Variants in PPP2R5C observed in about 807,000 individuals in gnomAD.
The protein encoded by PPP2R5C is protein phosphatase 2 regulatory subunit B'gamma, also known as serine/threonine-protein phosphatase 2A 56 kDa regulatory subunit gamma isoform.
A neutral mutation model predicts 68.9 loss-of-function variants in PPP2R5C; 7 were observed. The ratio of observed to expected loss-of-function variants is 0.10; its 90% confidence interval spans 0.06 to 0.19. The LOEUF (loss-of-function observed/expected upper bound fraction) is 0.19, where lower values mean the gene tolerates loss of function less well. PPP2R5C is among the 10% of genes least tolerant of loss of function. PPP2R5C has a pLI of 1.00. For synonymous variants in PPP2R5C, 210 were observed against 222.2 expected (o/e 0.95, Z 0.49); for missense variants, 348 against 641.3 (o/e 0.54, Z 4.94).
chr14:101,891,095 T>C lies in PPP2R5C; in HGVS notation c.689+799T>C, dbSNP rs2044869720. On this transcript the variant is annotated intron_variant, in intron 6 of 13. Transcript: ENST00000334743. The surrounding 1 kb of genome is among the most constrained non-coding windows in gnomAD (Gnocchi z 4.9). ...CCACTTTTATTTAATTGATAACCCG[T>C]AGATTTTATATTAGACCTTCTAACC... Among the ~76,000 whole-genome samples the C allele has an allele frequency of 6.6e-6, 1 of 152,104 alleles. No homozygotes were observed. Among genetic ancestry groups the C allele is most frequent in the Admixed American group, 6.5e-5 (1 of 15,268 alleles).
intron 3 of PPP2R5C, among the ~76,000 whole-genome samples, chr14:101,787,960 G>T (rs1043548652): frequency 2.0e-5 from 3 of 152,142 alleles, no homozygotes; most frequent in Non-Finnish European, 2.9e-5. Context: ...TTGAGCGCCT[G>T]TGAAAGCTAT....
intron 1 of PPP2R5C, among the ~76,000 whole-genome samples, chr14:101,838,316 A>G (rs1261401696): frequency 6.6e-6 from 1 of 152,212 alleles, no homozygotes; most frequent in African/African-American, 2.4e-5. Context: ...AGGAAGGTGA[A>G]TGCAAGCGTC....
chr14:101,786,314 T>A, intron 3 of PPP2R5C, 131 bp downstream of exon 3: 4 of 224,264 alleles, frequency 1.8e-5, no homozygotes, highest in Non-Finnish European at 3.0e-5. Context: ...TATTGAGGGG[T>A]TTTTTTTTTT....
chr14:101,847,001 A>G (rs2041866267), intron 1 of PPP2R5C, among the ~76,000 whole-genome samples: 1 of 152,240 alleles, frequency 6.6e-6, no homozygotes, highest in African/African-American at 2.4e-5. Context: ...CCTGAGTTTT[A>G]TCTTAAAAGT....
At chr14:101,836,510 G>T in intron 1 of PPP2R5C, 5 of 583,594 alleles carry the variant, frequency 8.6e-6, no homozygotes, top group South Asian at 4.3e-5. Context: ...TCTGCAGATA[G>T]TTCTTTTTCA....
At chr14:101,799,766 T>C (rs1327996544) in intron 3 of PPP2R5C, among the ~76,000 whole-genome samples, 1 of 152,184 alleles carries the variant, frequency 6.6e-6, no homozygotes, top group Admixed American at 6.5e-5. Flanking sequence ...CTAATCTGTG[T>C]TGGTTCCATT....
chr14:101,787,151 G>GA (rs2038129731), intron 3 of PPP2R5C, among the ~76,000 whole-genome samples: 2 of 152,228 alleles, frequency 1.3e-5, no homozygotes, highest in South Asian at 4.1e-4. Context: ...TCAGGAGGCT[G>GA]AAGTGGGAGG....
intron 2 of PPP2R5C, among the ~76,000 whole-genome samples, chr14:101,773,998 C>CT (rs1481380618): frequency 6.6e-6 from 1 of 152,148 alleles, no homozygotes; most frequent in Non-Finnish European, 1.5e-5. Flanking sequence ...TCTGGTTGGG[C>CT]TTTGAGTTTT....
chr14:101,769,175 G>A (rs973952590), intron 2 of PPP2R5C, among the ~76,000 whole-genome samples: 2 of 152,204 alleles, frequency 1.3e-5, no homozygotes, highest in African/African-American at 2.4e-5. Flanking sequence ...AAACTTCAGC[G>A]AAGCTGTTTC....
chr14:101,815,849 T>C (rs2039631548), intron 1 of PPP2R5C, among the ~76,000 whole-genome samples: 1 of 152,036 alleles, frequency 6.6e-6, no homozygotes, highest in African/African-American at 2.4e-5. Flanking sequence ...TTTGTATTTT[T>C]AGTATAGACA....
intron 2 of PPP2R5C, among the ~76,000 whole-genome samples, chr14:101,862,918 C>T (rs547707215): frequency 8.0e-5 from 12 of 150,570 alleles, no homozygotes; most frequent in African/African-American, 2.7e-4. Flanking sequence ...CTCCTGGGCT[C>T]AAGCAATCCT....
chr14:101,866,768 A>G (rs965889367), intron 2 of PPP2R5C, among the ~76,000 whole-genome samples: 5 of 152,140 alleles, frequency 3.3e-5, no homozygotes, highest in Non-Finnish European at 7.3e-5. Context: ...CCCTTTTACT[A>G]TACACTTTTG....
chr14:101,888,384 C>A lies in PPP2R5C; in HGVS notation c.630-1853C>A, dbSNP rs1347321036. 6.6e-6 allele frequency among the ~76,000 whole-genome samples: 1 copy of A among 152,000 alleles called. No individual in the cohort carries two copies. The highest frequency in any genetic ancestry group is 1.5e-5 in the Non-Finnish European group (1 of 68,008). The stretch of plus-strand genomic sequence containing the variant: ...CAGGGTAGGTGCAGGCTGAGGGACA[C>A]CAGGTGCGAGCATTTTCTGTTTCTT... On this transcript the variant is annotated intron_variant, in intron 5 of 13. Coordinates refer to ENST00000334743, the Ensembl canonical transcript of PPP2R5C. This position sits in a 1 kb window ranked among gnomAD's most constrained non-coding sequence, Gnocchi z 5.6.
chr14:101,873,834 G>T (rs1232349821), intron 2 of PPP2R5C, among the ~76,000 whole-genome samples: 6 of 152,208 alleles, frequency 3.9e-5, no homozygotes, highest in Admixed American at 3.9e-4. Flanking sequence ...CAAGGCAGGA[G>T]CCTGGGGCGG....
In PPP2R5C at chr14:101,797,740, T is replaced by A. The variant is rs1043514802; in HGVS notation, c.259+11557T>A. On this transcript the variant is annotated intron_variant, in intron 3 of 14. Coordinates refer to the PPP2R5C transcript ENST00000328724. The surrounding 1 kb of genome is among the most constrained non-coding windows in gnomAD (Gnocchi z 4.2). ...ATACTTTTACTTCGCGTTGGTTCCC[T>A]ACGTTCTTAGAACAAGGAAGGAGTG... is the stretch of plus-strand genomic sequence containing the variant. 5 of 159,134 alleles carry A rather than the reference T, an allele frequency of 3.1e-5. No homozygotes were observed. The East Asian group carries it at 5.5e-4, about 18-fold the overall frequency. 9.9% of individuals were successfully genotyped at this position (159,134 alleles called of 1,614,324 possible).
chr14:101,842,330 C>G (rs1037306053), intron 1 of PPP2R5C, among the ~76,000 whole-genome samples: 5 of 152,162 alleles, frequency 3.3e-5, no homozygotes, highest in Admixed American at 2.6e-4. Context: ...GTGCAGCCTG[C>G]CCCCTCAAGT....
In PPP2R5C at chr14:101,883,578, A is replaced by G. The variant is rs758495058; in HGVS notation, c.629+16A>G. The G allele has an allele frequency of 1.9e-6, 3 of 1,610,866 alleles. No individual in the cohort carries two copies. The highest frequency in any genetic ancestry group is 1.1e-5 in the South Asian group (1 of 90,796). ...TATTTTATAGGTAAGTCACGTGTGG[A>G]TGGCGTTGTCCTTGTGTGTGGTGAT... On this transcript the variant is annotated intron_variant, in intron 5 of 13. Transcript: ENST00000334743.
chr14:101,889,853 T>C (rs2044748605), intron 5 of PPP2R5C: 1 of 392,516 alleles, frequency 2.5e-6, no homozygotes. Flanking sequence ...AAACGTAAGA[T>C]GGATTAATGA....
At chr14:101,859,546 G>A (rs1200103070) in intron 2 of PPP2R5C, among the ~76,000 whole-genome samples, 17 of 152,222 alleles carry the variant, frequency 1.1e-4, no homozygotes, top group Admixed American at 1.0e-3. Flanking sequence ...TAGGGGATGG[G>A]GACAGATTGG....
Sources: allele counts gnomAD v4.1 joint callset (sites outside exome capture counted in the v4.1 genomes callset), GRCh38; gene constraint gnomAD v4.1.1; non-coding constraint Gnocchi (gnomAD v3.1); transcripts MANE v1.5; gene names NCBI Gene and HGNC (gene_info 2026-07-23, HGNC 2026-07-21).